The following ARFIP1 variants were observed in gnomAD, a reference collection of about 807,000 sequenced individuals.
The protein encoded by ARFIP1 is ARF interacting protein 1, also known as arfaptin-1.
A neutral mutation model predicts 42.5 loss-of-function variants in ARFIP1; 24 were observed. That is an observed-to-expected ratio of 0.57 (90% confidence interval 0.41 to 0.80). ARFIP1 has a LOEUF of 0.80. Ranked by LOEUF, ARFIP1 falls within the 30% of genes least tolerant of loss-of-function variation. The pLI, the probability that ARFIP1 is intolerant of heterozygous loss-of-function variation, is 0.00. For synonymous variants in ARFIP1, 141 were observed against 153.7 expected (o/e 0.92, Z 0.61); for missense variants, 354 against 434.0 (o/e 0.82, Z 1.64).
intron 6 of ARFIP1, 138 bp downstream of exon 6, chr4:152,881,322 C>A (rs1735831352): frequency 2.9e-6 from 2 of 695,378 alleles, no homozygotes; most frequent in Non-Finnish European, 4.7e-6. Flanking sequence ...TATTTCATAT[C>A]ACTTTAAGAA....
chr4:152,841,184 T>C (rs1480155617), intron 2 of ARFIP1, among the ~76,000 whole-genome samples: 3 of 151,736 alleles, frequency 2.0e-5, no homozygotes, highest in Non-Finnish European at 4.4e-5. Context: ...TACAAGCACG[T>C]GCCACCATGC....
intron 2 of ARFIP1, among the ~76,000 whole-genome samples, chr4:152,858,451 G>A (rs1207879404): frequency 6.6e-6 from 1 of 152,044 alleles, no homozygotes; most frequent in East Asian, 1.9e-4. Flanking sequence ...TTATGTTAAT[G>A]TCTATCTTGT....
chr4:152,804,086 TAAC>T (rs1466556172), intron 1 of ARFIP1, among the ~76,000 whole-genome samples: 2 of 90,750 alleles, frequency 2.2e-5, no homozygotes, highest in Non-Finnish European at 4.5e-5. Context: ...ATATATAATA[TAAC>T]GTAATATATA....
intron 1 of ARFIP1, among the ~76,000 whole-genome samples, chr4:152,794,132 A>G (rs1357612190): frequency 6.6e-6 from 1 of 152,152 alleles, no homozygotes; most frequent in Non-Finnish European, 1.5e-5. Context: ...TAATATAATT[A>G]TTACAAGTAG....
At chr4:152,836,731 AT>A (rs1367155479) in intron 2 of ARFIP1, among the ~76,000 whole-genome samples, 11 of 152,218 alleles carry the variant, frequency 7.2e-5, no homozygotes, top group East Asian at 5.8e-4. Flanking sequence ...ACTGAAACAA[AT>A]TTTTTTCCCC....
In ARFIP1 at chr4:152,813,064, C is replaced by T. The variant is rs1729593063; in HGVS notation, c.-9-16561C>T. Reference sequence around the variant, plus strand: ...TAAAATACTGTCAGCCCTCCCTGTCCATGAGTTCTAATCCATGGATTCAGC... The same window carrying T: ...TAAAATACTGTCAGCCCTCCCTGTCTATGAGTTCTAATCCATGGATTCAGC... On this transcript the variant is annotated intron_variant, in intron 1 of 8. Coordinates refer to ENST00000353617, the MANE Select transcript of ARFIP1 (RefSeq NM_001025595.3). Among the ~76,000 whole-genome samples, 3 of 152,294 alleles carry T rather than the reference C, an allele frequency of 2.0e-5. No individual in the cohort carries two copies. The South Asian group carries it at 6.2e-4, about 32-fold the overall frequency.
intron 1 of ARFIP1, among the ~76,000 whole-genome samples, chr4:152,823,779 A>C (rs1730584466): frequency 3.4e-5 from 1 of 29,056 alleles, no homozygotes; most frequent in East Asian, 1.1e-3. Context: ...TCCATCTCAA[A>C]AAAAAAAAAA....
At chr4:152,879,114 T>C (rs1032223714) in intron 5 of ARFIP1, among the ~76,000 whole-genome samples, 2 of 152,200 alleles carry the variant, frequency 1.3e-5, no homozygotes, top group Non-Finnish European at 2.9e-5. Context: ...TCCGTGGTTT[T>C]GATCTCTCAC....
rs116055177 is a variant in ARFIP1, at chr4:152,797,898, A to G, written c.-10+17672A>G. Among the ~76,000 whole-genome samples, 891 of 152,238 alleles carry G rather than the reference A, an allele frequency of 5.9e-3. 9 individuals are homozygous for G. The highest frequency in any genetic ancestry group is 0.054 in the Middle Eastern group (16 of 294). The stretch of plus-strand genomic sequence containing the variant: ...AGATAGTTTTACTTTCTCCTTACCT[A>G]TTATTCCTCTGATTGATTTTTCTTA... On this transcript the variant is annotated intron_variant, in intron 1 of 8. Coordinates refer to ENST00000353617, the MANE Select transcript of ARFIP1 (RefSeq NM_001025595.3).
chr4:152,909,141 T>C (rs982715890), intron 8 of ARFIP1, among the ~76,000 whole-genome samples: 3 of 152,168 alleles, frequency 2.0e-5, no homozygotes, highest in African/African-American at 7.2e-5. Context: ...TCCCAGCACT[T>C]TGGGAGGCTG....
chr4:152,888,995 A>T (rs1330216842), intron 8 of ARFIP1, among the ~76,000 whole-genome samples: 1 of 152,166 alleles, frequency 6.6e-6, no homozygotes, highest in Admixed American at 6.6e-5. Context: ...ATGAGTGAGC[A>T]TGGTACGGAA....
intron 1 of ARFIP1, among the ~76,000 whole-genome samples, chr4:152,793,572 A>C (rs1006000666): frequency 4.6e-5 from 7 of 152,118 alleles, no homozygotes; most frequent in African/African-American, 1.4e-4. Context: ...CCTATGATAA[A>C]GTTTAATTTG....
chr4:152,797,799 AT>A (rs1417196633), intron 1 of ARFIP1, among the ~76,000 whole-genome samples: 15 of 152,082 alleles, frequency 9.9e-5, no homozygotes, highest in Admixed American at 9.8e-4. Flanking sequence ...ACTTCATTGA[AT>A]TTTATTTTTG....
chr4:152,796,507 CTT>C lies in ARFIP1; in HGVS notation c.-10+16284_-10+16285del. The C allele has an allele frequency of 1.1e-5, 8 of 743,422 alleles. No homozygotes were observed. In the South Asian group the frequency reaches 1.2e-4, roughly 11 times the overall value. 46.1% of individuals were successfully genotyped at this position (743,422 alleles called of 1,614,324 possible). A position where few individuals can be genotyped will look rare whatever the true frequency, so the allele number is the denominator to read the frequency against. ...GGGACTTCCCATTTTCCCTCATTCT[CTT>C]TTCGTTTCTGTTTAATCATATTGGA... On this transcript the variant is annotated intron_variant, in intron 1 of 8. Transcript: ENST00000353617.
At position 152,910,730 on chromosome 4, in the gene ARFIP1, C is replaced by T. The variant is rs1738779943; in HGVS notation, c.*511C>T. 1.3e-5 allele frequency: 2 copies of T among 152,348 alleles called. No homozygotes were observed. The highest frequency in any genetic ancestry group is 4.8e-5 in the African/African-American group (2 of 41,442). 9.4% of individuals were successfully genotyped at this position (152,348 alleles called of 1,614,324 possible). A position where few individuals can be genotyped will look rare whatever the true frequency, so the allele number is the denominator to read the frequency against. ...TGTTCCTGCAGCGTCCACACAGAGG[C>T]AGCAGCTCTAATGAATGATTAGCTT... On this transcript the variant is annotated 3_prime_UTR_variant, in exon 9 of 9. Transcript: ENST00000353617.
At chr4:152,877,800 CA>C (rs1735491169) in intron 5 of ARFIP1, among the ~76,000 whole-genome samples, 1 of 152,130 alleles carries the variant, frequency 6.6e-6, no homozygotes, top group Non-Finnish European at 1.5e-5. Flanking sequence ...ATCAGTCTCA[CA>C]AGATCTGATA....
intron 2 of ARFIP1, among the ~76,000 whole-genome samples, chr4:152,834,775 C>T (rs1012395341): frequency 5.3e-5 from 8 of 152,208 alleles, no homozygotes; most frequent in Middle Eastern, 3.2e-3. Flanking sequence ...AGGGTGGTGG[C>T]TCCCTTCCCA....
intron 8 of ARFIP1, among the ~76,000 whole-genome samples, chr4:152,899,383 G>A (rs1737629944): frequency 6.6e-6 from 1 of 152,096 alleles, no homozygotes. Flanking sequence ...CTTCTGTGTG[G>A]TTTTGTAAAG....
intron 2 of ARFIP1, among the ~76,000 whole-genome samples, chr4:152,858,114 A>G (rs983216508): frequency 6.6e-6 from 1 of 152,156 alleles, no homozygotes; most frequent in Non-Finnish European, 1.5e-5. Context: ...CAACATGGCG[A>G]AACTCCATCT....
Sources: gnomAD v4.1 joint callset for allele counts (sites outside exome capture counted in the v4.1 genomes callset) on GRCh38, gnomAD v4.1.1 for gene constraint, MANE v1.5 for transcripts, NCBI Gene and HGNC (gene_info 2026-07-23, HGNC 2026-07-21) for gene names.